The following CYP2W1 variants were observed in gnomAD, a reference collection of about 807,000 sequenced individuals.
The protein encoded by CYP2W1 is cytochrome P450 family 2 subfamily W member 1, also known as cytochrome P450 2W1.
In CYP2W1, 51 loss-of-function variants were observed where a neutral mutation model predicts 44.9. The ratio of observed to expected loss-of-function variants is 1.14; its 90% CI spans 0.91 to 1.43. CYP2W1 has a LOEUF of 1.43. Ranked by LOEUF, CYP2W1 falls within the 40% of genes most tolerant of loss-of-function variation. CYP2W1 has a pLI of 0.00. For missense variants in CYP2W1, 746 were observed against 700.0 expected (o/e 1.07, Z -0.74); for synonymous variants, 383 against 338.3 (o/e 1.13, Z -1.45).
Position 988,364 on chromosome 7 carries a change from C to T in CYP2W1, c.1231C>T (p.Leu411=). The change falls in exon 8 of 9, where the codon CTG becomes TTG. Residue 411 remains leucine, a synonymous_variant. Coordinates refer to ENST00000308919, the MANE Select transcript of CYP2W1 (RefSeq NM_017781.3). The stretch of plus-strand genomic sequence containing the variant: ...AGGCCAGTTCAACCCCGGCCATTTC[C>T]TGGACGCGAATGGGCACTTTGTGAA... The part of the protein sequence containing the change: ...TPGQFNPGHF[L]DANGHFVKRE... The T allele has an allele frequency of 6.2e-7, 1 of 1,612,702 alleles. No individual in the cohort carries two copies. Among genetic ancestry groups the T allele is most frequent in the Admixed American group, 1.7e-5 (1 of 60,000 alleles).
In CYP2W1 at chr7:984,488, C is replaced by A; in HGVS notation, c.251C>A (p.Ala84Glu). ...ACGGTGGTGCTGACGGGGTTCGAGG[C>A]GGTCAAAGAGGCGCTGGCGGGCCCC... ...QKTVVLTGFE[A>E]VKEALAGPGQ... is the part of the protein sequence containing the mutation. The change falls in exon 2 of 9, where the codon GCG becomes GAG. Residue 84 changes from alanine (A) to glutamate (E), a missense_variant. By Grantham distance (107) the Ala-to-Glu change is moderately radical. Coordinates refer to ENST00000308919, the MANE Select transcript of CYP2W1 (RefSeq NM_017781.3). 1 of 1,552,402 alleles carries A rather than the reference C, an allele frequency of 6.4e-7. No individual in the cohort carries two copies. Among genetic ancestry groups the A allele is most frequent in the Non-Finnish European group, 8.7e-7 (1 of 1,148,682 alleles).
chr7:987,652 G>A, intron 7 of CYP2W1, 121 bp downstream of exon 7: 1 of 1,020,920 alleles, frequency 9.8e-7, no homozygotes, highest in Non-Finnish European at 1.4e-6. Context: ...TCCCCGACCG[G>A]AGGCAATAAA....
At chr7:983,486 C>A in intron 1 of CYP2W1, 101 bp downstream of exon 1, 2 of 1,226,196 alleles carry the variant, frequency 1.6e-6, no homozygotes, top group Non-Finnish European at 2.1e-6. Context: ...CCTGTTCCCA[C>A]ATGGTGCCGG....
In CYP2W1 at chr7:985,007, C is replaced by A; in HGVS notation, c.395C>A (p.Ala132Asp). 3 of 1,611,504 alleles carry A rather than the reference C, an allele frequency of 1.9e-6. No homozygotes were observed. Among genetic ancestry groups the A allele is most frequent in the Non-Finnish European group, 2.5e-6 (3 of 1,179,836 alleles). ...WRAARQFTVR[A>D]LHSLGVGREP... ...GCTGCCCGCCAGTTCACGGTGCGTG[C>A]CCTGCACAGCCTGGGCGTGGGCCGG... Residue 132 changes from alanine (A) to aspartate (D), a missense_variant, in exon 3 of 9, where the codon GCC (alanine) becomes GAC (aspartate). Coordinates refer to ENST00000308919, the MANE Select transcript of CYP2W1 (RefSeq NM_017781.3).
At chr7:985,403 G>A in intron 4 of CYP2W1, 80 bp downstream of exon 4, 1 of 1,450,142 alleles carries the variant, frequency 6.9e-7, no homozygotes, top group Non-Finnish European at 9.3e-7. Context: ...GGGCCCCAGT[G>A]CTGTCCCCTC....
Position 985,230 on chromosome 7 carries a change from C to A in CYP2W1, c.552C>A (p.Phe184Leu). The A allele has an allele frequency of 6.4e-7, 1 of 1,553,252 alleles. No homozygotes were observed. Among genetic ancestry groups the A allele is most frequent in the Non-Finnish European group, 8.7e-7 (1 of 1,148,368 alleles). ...CCAATATCACCTTCGCGCTCCTCTT[C>A]GGCCGCCGATTTGACTACCGGGACC... ...APSNITFALLFGRRFDYRDPV... is the reference protein window; with the variant it reads ...APSNITFALLLGRRFDYRDPV... The change falls in exon 4 of 9, where the codon TTC becomes TTA. Residue 184 changes from phenylalanine (F) to leucine (L), a missense_variant. Physicochemically the swap from Phe to Leu is conservative, Grantham distance 22. Coordinates refer to ENST00000308919, the MANE Select transcript of CYP2W1 (RefSeq NM_017781.3).
chr7:987,253 C>T lies in CYP2W1; in HGVS notation c.958+8C>T. 1 of 1,513,146 alleles carries T rather than the reference C, an allele frequency of 6.6e-7. No individual in the cohort carries two copies. The highest frequency in any genetic ancestry group is 8.9e-7 in the Non-Finnish European group (1 of 1,127,320). The allele number at this position is 1,513,146 out of a possible 1,614,324, so 93.7% of individuals were successfully genotyped here. A position where few individuals can be genotyped will look rare whatever the true frequency, so the allele number is the denominator to read the frequency against. ...GGCACCCGGACGTGCAGGGTGAGAC[C>T]CCGGCGCCTGGCGAGACGGCTCCTT... On this transcript the variant is annotated splice_region_variant and intron_variant, in intron 6 of 8. Transcript: ENST00000308919.
intron 8 of CYP2W1, 70 bp from the exon 9 acceptor site, chr7:988,565 G>A: frequency 6.3e-7 from 1 of 1,598,948 alleles, no homozygotes; most frequent in Admixed American, 1.7e-5. Flanking sequence ...CTCCCCTGGG[G>A]AGGTCCCCAC....
chr7:983,423 C>G, intron 1 of CYP2W1, 38 bp downstream of exon 1: 1 of 1,429,006 alleles, frequency 7.0e-7, no homozygotes, highest in Admixed American at 2.3e-5. Flanking sequence ...GCCGCTTGGA[C>G]AGCTGCCGTG....
intron 1 of CYP2W1, among the ~76,000 whole-genome samples, chr7:984,019 C>T (rs543400993): frequency 6.6e-6 from 1 of 152,150 alleles, no homozygotes; most frequent in East Asian, 1.9e-4. Context: ...GGGCTGTAGC[C>T]GAAGACGGAT....
At position 988,405 on chromosome 7, in the gene CYP2W1, G is replaced by A; in HGVS notation, c.1272G>A (p.Leu424=). The stretch of plus-strand genomic sequence containing the variant: ...ACTTTGTGAAGCGGGAGGCCTTCCT[G>A]CCTTTCTCTGCAGGTCAGCAGCCCT... ...NGHFVKREAF[L]PFSAGRRVCV... Residue 424 remains leucine (L), a synonymous_variant, in exon 8 of 9, where the codon CTG becomes CTA. Coordinates refer to ENST00000308919, the MANE Select transcript of CYP2W1 (RefSeq NM_017781.3). 1 of 1,612,594 alleles carries A rather than the reference G, an allele frequency of 6.2e-7. No homozygotes were observed.
chr7:983,507 G>T, intron 1 of CYP2W1, 122 bp downstream of exon 1: 1 of 1,029,902 alleles, frequency 9.7e-7, no homozygotes, highest in South Asian at 2.5e-5. Flanking sequence ...GCCCAGCGGG[G>T]CACGCAGGAG....
Position 985,215 on chromosome 7 carries a change from C to T in CYP2W1, c.537C>T (p.Thr179=), listed in dbSNP as rs769443714. The T allele has an allele frequency of 4.5e-6, 7 of 1,557,688 alleles. No individual in the cohort carries two copies. The African/African-American group carries it at 5.4e-5, about 12-fold the overall frequency. Residue 179 remains threonine (T), a synonymous_variant, in exon 4 of 9, where the codon ACC becomes ACT. Transcript: ENST00000308919. ...ALLGWAPSNI[T]FALLFGRRFD... is the part of the protein sequence containing the mutation. ...TGGGCTGGGCTCCCTCCAATATCACCTTCGCGCTCCTCTTCGGCCGCCGAT... is the reference window on the plus strand; with the variant it reads ...TGGGCTGGGCTCCCTCCAATATCACTTTCGCGCTCCTCTTCGGCCGCCGAT...
At position 987,244 on chromosome 7, in the gene CYP2W1, G is replaced by A. The variant is rs1848428081; in HGVS notation, c.957G>A (p.Gln319=). 1 of 1,522,200 alleles carries A rather than the reference G, an allele frequency of 6.6e-7. No homozygotes were observed. Among genetic ancestry groups the A allele is most frequent in the African/African-American group, 1.4e-5 (1 of 72,656 alleles). 94.3% of individuals were successfully genotyped at this position (1,522,200 alleles called of 1,614,324 possible). A position where few individuals can be genotyped will look rare whatever the true frequency, so the allele number is the denominator to read the frequency against. The part of the protein sequence containing the change: ...ALLMGRHPDV[Q]GRVQEELDRV... ...TGATGGGCCGGCACCCGGACGTGCA[G>A]GGTGAGACCCCGGCGCCTGGCGAGA... The change falls in exon 6 of 9, where the codon CAG becomes CAA. Residue 319 remains glutamine, a splice_region_variant and synonymous_variant. Transcript: ENST00000308919.
chr7:983,968 C>A (rs1562952219), intron 1 of CYP2W1, among the ~76,000 whole-genome samples: 2 of 152,126 alleles, frequency 1.3e-5, no homozygotes, highest in East Asian at 1.9e-4. Flanking sequence ...CCGGGCCCTG[C>A]CTCCGGCTGC....
At position 985,029 on chromosome 7, in the gene CYP2W1, C is replaced by T; in HGVS notation, c.417C>T (p.Gly139=). The change falls in exon 3 of 9, where the codon GGC becomes GGT. Residue 139 remains glycine (G), a synonymous_variant. Coordinates refer to ENST00000308919, the MANE Select transcript of CYP2W1 (RefSeq NM_017781.3). The stretch of plus-strand genomic sequence containing the variant: ...GTGCCCTGCACAGCCTGGGCGTGGG[C>T]CGGGAGCCGGTGGCTGACAAGATTC... The part of the protein sequence containing the change: ...TVRALHSLGV[G]REPVADKILQ... 6.2e-7 allele frequency: 1 copy of T among 1,612,162 alleles called. No individual in the cohort carries two copies.
Position 985,038 on chromosome 7 carries a change from G to C in CYP2W1, c.426G>C (p.Pro142=). The C allele has an allele frequency of 1.2e-6, 2 of 1,612,380 alleles. No individual in the cohort carries two copies. Among genetic ancestry groups the C allele is most frequent in the South Asian group, 2.2e-5 (2 of 91,074 alleles). ...ALHSLGVGRE[P]VADKILQELK... ...ACAGCCTGGGCGTGGGCCGGGAGCC[G>C]GTGGCTGACAAGATTCTGCAGGAGC... is the stretch of plus-strand genomic sequence containing the variant. The change falls in exon 3 of 9, where the codon CCG becomes CCC. Residue 142 remains proline (P), a synonymous_variant. Transcript: ENST00000308919.
At chr7:986,557 C>A in intron 4 of CYP2W1, 67 bp from the exon 5 acceptor site, 1 of 1,569,360 alleles carries the variant, frequency 6.4e-7, no homozygotes, top group Non-Finnish European at 8.7e-7. Context: ...TGGGGACGAT[C>A]ACCGCCTGCC....
chr7:987,239 G>C lies in CYP2W1; in HGVS notation c.952G>C (p.Val318Leu), dbSNP rs753155574. 3.3e-6 allele frequency: 5 copies of C among 1,527,036 alleles called. No individual in the cohort carries two copies. The East Asian group carries it at 1.2e-4, about 38-fold the overall frequency. 94.6% of individuals were successfully genotyped at this position (1,527,036 alleles called of 1,614,324 possible). A position where few individuals can be genotyped will look rare whatever the true frequency, so the allele number is the denominator to read the frequency against. ...AALLMGRHPD[V>L]QGRVQEELDR... ...ACTTCTGATGGGCCGGCACCCGGAC[G>C]TGCAGGGTGAGACCCCGGCGCCTGG... is the stretch of plus-strand genomic sequence containing the variant. The change falls in exon 6 of 9, where the codon GTG becomes CTG. Residue 318 changes from valine (V) to leucine (L), a missense_variant. Physicochemically the swap from Val to Leu is conservative, Grantham distance 32 (BLOSUM62 1). Coordinates refer to ENST00000308919, the MANE Select transcript of CYP2W1 (RefSeq NM_017781.3).
Sources: gnomAD v4.1 joint callset for allele counts (sites outside exome capture counted in the v4.1 genomes callset) on GRCh38, gnomAD v4.1.1 for gene constraint, MANE v1.5 for transcripts, NCBI Gene and HGNC (gene_info 2026-07-23, HGNC 2026-07-21) for gene names.